Variants in AJAP1 observed in about 807,000 individuals in gnomAD.
AJAP1 encodes adherens junctions associated protein 1.
AJAP1 carries 5 observed loss-of-function variants against 35.0 expected under a neutral mutation model. That is an observed-to-expected ratio of 0.14 (90% CI 0.07 to 0.30). The LOEUF is 0.30. AJAP1 is among the 10% of genes least tolerant of loss of function. The pLI is 1.00. For synonymous variants in AJAP1, 284 were observed against 249.3 expected (o/e 1.14, Z -1.31); for missense variants, 586 against 571.0 (o/e 1.03, Z -0.27).
In AJAP1 at chr1:4,783,543, ATG is replaced by A. The variant is rs1288676585; in HGVS notation, c.*1060_*1061del. 1.1e-3 allele frequency: 147 copies of A among 135,670 alleles called. 1 individual carries two copies. Among genetic ancestry groups the A allele is most frequent in the African/African-American group, 2.1e-3 (74 of 35,278 alleles). The allele number at this position is 135,670 out of a possible 1,614,324, so 8.4% of individuals were successfully genotyped here. On this transcript the variant is annotated 3_prime_UTR_variant, in exon 6 of 6. Transcript: ENST00000378191. ...TGTGTATATATATATATATATATATATGTTTGTGTGTGTATATATATGTTTGT... is the reference window on the plus strand; with the variant it reads ...TGTGTATATATATATATATATATATATTTGTGTGTGTATATATATGTTTGT...
At chr1:4,687,389 C>T (rs1013889057) in intron 1 of AJAP1, among the ~76,000 whole-genome samples, 9 of 152,190 alleles carry the variant, frequency 5.9e-5, no homozygotes, top group Non-Finnish European at 1.0e-4. Flanking sequence ...AATGCTGGCA[C>T]GCCCTCCATC....
rs574040413 is a variant in AJAP1 at position 4,705,531 on chromosome 1, G to A, written c.30-6369G>A. On this transcript the variant is annotated intron_variant, in intron 1 of 5. Coordinates refer to ENST00000378191, the MANE Select transcript of AJAP1 (RefSeq NM_018836.4). Reference sequence around the variant, plus strand: ...ACTGCCTTCCCAGTGACAGCACTGGGCAAACGTCCCTGGCAAATGCTATTC... The same window carrying A: ...ACTGCCTTCCCAGTGACAGCACTGGACAAACGTCCCTGGCAAATGCTATTC... 2.0e-5 allele frequency among the ~76,000 whole-genome samples: 3 copies of A among 149,146 alleles called. No homozygotes were observed. The South Asian group carries it at 6.6e-4, about 33-fold the overall frequency.
chr1:4,710,213 C>G (rs1335945932), intron 1 of AJAP1, among the ~76,000 whole-genome samples: 2 of 152,022 alleles, frequency 1.3e-5, no homozygotes, highest in Non-Finnish European at 2.9e-5. Flanking sequence ...TACACACTGA[C>G]ACACACGAGC....
intron 2 of AJAP1, among the ~76,000 whole-genome samples, chr1:4,746,133 G>A (rs920946445): frequency 6.6e-6 from 1 of 152,172 alleles, no homozygotes; most frequent in African/African-American, 2.4e-5. Flanking sequence ...GGCTCCTGGG[G>A]AGGAGCCTTC....
At chr1:4,721,183 G>A (rs1160090539) in intron 2 of AJAP1, among the ~76,000 whole-genome samples, 5 of 152,224 alleles carry the variant, frequency 3.3e-5, no homozygotes, top group Non-Finnish European at 7.3e-5. Context: ...CTGCAGCTGG[G>A]AGAAGCCCAG....
chr1:4,783,391 A>G lies in AJAP1; in HGVS notation c.*906A>G, dbSNP rs962757204. 6.7e-6 allele frequency: 1 copy of G among 150,012 alleles called. No individual in the cohort carries two copies. Among genetic ancestry groups the G allele is most frequent in the African/African-American group, 2.5e-5 (1 of 40,708 alleles). The allele number at this position is 150,012 out of a possible 1,614,324, so 9.3% of individuals were successfully genotyped here. ...TTAAATGACAGCCTGCATTTGCTAG[A>G]CGGTTGGTGAGTGGCATCAAATGTG... On this transcript the variant is annotated 3_prime_UTR_variant, in exon 6 of 6. Coordinates refer to ENST00000378191, the MANE Select transcript of AJAP1 (RefSeq NM_018836.4).
chr1:4,725,436 G>A (rs943256012), intron 2 of AJAP1, among the ~76,000 whole-genome samples: 3 of 152,132 alleles, frequency 2.0e-5, no homozygotes, highest in African/African-American at 7.2e-5. Context: ...CTGGTGCCTG[G>A]CGAGGGCTTG....
In AJAP1 at chr1:4,783,787, C is replaced by T. The variant is rs1642115953; in HGVS notation, c.*1302C>T. 1 of 151,786 alleles carries T rather than the reference C, an allele frequency of 6.6e-6. No individual in the cohort carries two copies. The highest frequency in any genetic ancestry group is 1.5e-5 in the Non-Finnish European group (1 of 67,974). 9.4% of individuals were successfully genotyped at this position (151,786 alleles called of 1,614,324 possible). ...AGTTCCAAAAATTAAAGGAATATAT[C>T]CTTATGATGTGTGTGTGTAATATCA... is the stretch of plus-strand genomic sequence containing the variant. On this transcript the variant is annotated 3_prime_UTR_variant, in exon 6 of 6. Coordinates refer to ENST00000378191, the MANE Select transcript of AJAP1 (RefSeq NM_018836.4).
At chr1:4,683,401 C>CT (rs1225406458) in intron 1 of AJAP1, among the ~76,000 whole-genome samples, 1 of 152,206 alleles carries the variant, frequency 6.6e-6, no homozygotes, top group East Asian at 1.9e-4. Context: ...GTGGTCTGGG[C>CT]TGGGTCTGAG....
intron 2 of AJAP1, among the ~76,000 whole-genome samples, chr1:4,763,574 G>T (rs1276344796): frequency 6.6e-6 from 1 of 152,144 alleles, no homozygotes. Context: ...AGGTGTTTCT[G>T]GAAGAGATTG....
intron 1 of AJAP1, among the ~76,000 whole-genome samples, chr1:4,664,478 C>T (rs1462614109): frequency 6.6e-6 from 1 of 152,190 alleles, no homozygotes; most frequent in Non-Finnish European, 1.5e-5. Context: ...CAGCAGCAGC[C>T]TGTCCGGGTG....
intron 2 of AJAP1, 145 bp downstream of exon 2, chr1:4,712,844 A>G (rs1036776797): frequency 6.2e-6 from 5 of 811,900 alleles, no homozygotes; most frequent in Admixed American, 3.2e-5. Flanking sequence ...GAGCTTGCAC[A>G]TGCCTGTAGA....
chr1:4,665,578 T>C (rs1409496765), intron 1 of AJAP1, among the ~76,000 whole-genome samples: 1 of 152,292 alleles, frequency 6.6e-6, no homozygotes, highest in East Asian at 1.9e-4. Context: ...CGACGGTCCC[T>C]GGGGAGCACT....
At chr1:4,658,176 TG>T (rs1425861399) in intron 1 of AJAP1, among the ~76,000 whole-genome samples, 1 of 152,218 alleles carries the variant, frequency 6.6e-6, no homozygotes, top group African/African-American at 2.4e-5. Context: ...ATACGTTTGC[TG>T]GGTTGCGCTC....
chr1:4,767,516 C>CACA (rs576846968), intron 2 of AJAP1, among the ~76,000 whole-genome samples: 17,321 of 151,670 alleles, frequency 0.11, 1,278 homozygotes, highest in East Asian at 0.34. Flanking sequence ...TCATCACCAT[C>CACA]ACCACCACCA....
Position 4,787,798 on chromosome 1 carries a change from C to G in AJAP1, c.*5313C>G. 1 of 453,856 alleles carries G rather than the reference C, an allele frequency of 2.2e-6. No individual in the cohort carries two copies. Among genetic ancestry groups the G allele is most frequent in the South Asian group, 1.6e-5 (1 of 64,294 alleles). The allele number at this position is 453,856 out of a possible 1,614,324, so 28.1% of individuals were successfully genotyped here. On this transcript the variant is annotated 3_prime_UTR_variant, in exon 6 of 6. Coordinates refer to ENST00000378191, the MANE Select transcript of AJAP1 (RefSeq NM_018836.4). ...GACTTGGCCCACGGGGCACGGGCAC[C>G]TTGGGGATGCCATTCTTCTTGGTGC...
chr1:4,687,539 A>C (rs1254972616), intron 1 of AJAP1, among the ~76,000 whole-genome samples: 1 of 152,200 alleles, frequency 6.6e-6, no homozygotes, highest in Non-Finnish European at 1.5e-5. Flanking sequence ...CAAATAAGAC[A>C]GAGAAGGAAC....
At chr1:4,670,341 A>G (rs1188056407) in intron 1 of AJAP1, among the ~76,000 whole-genome samples, 1 of 152,174 alleles carries the variant, frequency 6.6e-6, no homozygotes, top group Non-Finnish European at 1.5e-5. Flanking sequence ...GAGTGGATTA[A>G]AGCAATTGCC....
chr1:4,754,877 T>C (rs942796276), intron 2 of AJAP1, among the ~76,000 whole-genome samples: 2 of 152,182 alleles, frequency 1.3e-5, no homozygotes, highest in African/African-American at 4.8e-5. Context: ...ACCTGGGGCA[T>C]TTGTGGGGAC....
Sources: allele counts gnomAD v4.1 joint callset (sites outside exome capture counted in the v4.1 genomes callset), GRCh38; gene constraint gnomAD v4.1.1; transcripts MANE v1.5; gene names NCBI Gene and HGNC (gene_info 2026-07-23, HGNC 2026-07-21).